Variants in PPP2R2D observed in about 807,000 individuals in gnomAD.
The protein encoded by PPP2R2D is protein phosphatase 2 regulatory subunit Bdelta.
A neutral mutation model predicts 31.1 loss-of-function variants in PPP2R2D; 9 were observed. That is an observed-to-expected ratio of 0.29 (90% CI 0.17 to 0.51). PPP2R2D has a LOEUF of 0.51. Ranked by LOEUF, PPP2R2D falls within the 20% of genes least tolerant of loss-of-function variation. The pLI is 0.98. For missense variants in PPP2R2D, 391 were observed against 465.6 expected, an observed-to-expected ratio of 0.84 and a Z score of 1.48; for synonymous variants, 179 against 172.6, an observed-to-expected ratio of 1.04 and a Z score of -0.29.
At chr10:131,913,184 A>AT (rs36188479) in intron 2 of PPP2R2D, among the ~76,000 whole-genome samples, 22,015 of 134,742 alleles carry the variant, frequency 0.16, 2,076 homozygotes, top group African/African-American at 0.25. Context: ...TGCCCGGCTA[A>AT]TTTTTTTTTT....
At chr10:131,939,959 C>T in intron 3 of PPP2R2D, 72 bp from the exon 4 acceptor site, 2 of 431,200 alleles carry the variant, frequency 4.6e-6, no homozygotes, top group Admixed American at 3.5e-5. Context: ...ATTTGATATT[C>T]AAATTTATAG....
At position 131,945,057 on chromosome 10, in the gene PPP2R2D, G is replaced by T. The variant is rs184380324; in HGVS notation, c.656-238G>T. 5.9e-5 allele frequency among the ~76,000 whole-genome samples: 9 copies of T among 152,112 alleles called. No individual in the cohort carries two copies. Among genetic ancestry groups the T allele is most frequent in the Non-Finnish European group, 5.9e-5 (4 of 68,016 alleles). ...TTAATAATAGCAGCAAGATGAAAGC[G>T]GTGTTCGCTTGTCTGTGTCTCCCCC... On this transcript the variant is annotated intron_variant, in intron 6 of 8. Transcript: ENST00000455566. This position sits in a 1 kb window ranked among gnomAD's most constrained non-coding sequence, Gnocchi z 4.8.
chr10:131,922,712 C>G (rs548370698), intron 2 of PPP2R2D, among the ~76,000 whole-genome samples: 3 of 152,178 alleles, frequency 2.0e-5, no homozygotes, highest in Admixed American at 2.0e-4. Flanking sequence ...TCTCAAAGTG[C>G]TGGGATTACA....
rs2036522016 is a variant in PPP2R2D, at chr10:131,945,568, T to G, written c.820+109T>G. The G allele has an allele frequency of 7.5e-6, 10 of 1,339,078 alleles. No individual in the cohort carries two copies. Among genetic ancestry groups the G allele is most frequent in the Non-Finnish European group, 1.0e-5 (10 of 992,998 alleles). 82.9% of individuals were successfully genotyped at this position (1,339,078 alleles called of 1,614,324 possible). ...TCCGCCTCCCGGGTTCCAGCAAGTCTTCTGCCTCGGCCTCCCGAGTAGCTG... is the reference window on the plus strand; with the variant it reads ...TCCGCCTCCCGGGTTCCAGCAAGTCGTCTGCCTCGGCCTCCCGAGTAGCTG... On this transcript the variant is annotated intron_variant, in intron 7 of 8. Coordinates refer to ENST00000455566, the MANE Select transcript of PPP2R2D (RefSeq NM_018461.5). This position sits in a 1 kb window ranked among gnomAD's most constrained non-coding sequence, Gnocchi z 4.8.
downstream of PPP2R2D, among the ~76,000 whole-genome samples, chr10:131,962,017 C>T (rs1228849139): frequency 2.6e-5 from 4 of 152,196 alleles, no homozygotes; most frequent in Non-Finnish European, 4.4e-5. Context: ...GGCCAGGGGG[C>T]GGCACTGCCC....
In PPP2R2D at chr10:131,959,320, C is replaced by T. The variant is rs2036885098; in HGVS notation, c.*3357C>T. 1 of 150,948 alleles carries T rather than the reference C, an allele frequency of 6.6e-6. No homozygotes were observed. Among genetic ancestry groups the T allele is most frequent in the Admixed American group, 7.5e-5 (1 of 13,412 alleles). The allele number at this position is 150,948 out of a possible 1,614,324, so 9.4% of individuals were successfully genotyped here. On this transcript the variant is annotated 3_prime_UTR_variant, in exon 9 of 9. Coordinates refer to ENST00000455566, the MANE Select transcript of PPP2R2D (RefSeq NM_018461.5). ...GAAGGCGTGTGCTGATCCGCCATCC[C>T]CCTGTGGAGATGAAGGCGTGTGCTC...
At chr10:131,930,047 C>T (rs770830189) in intron 2 of PPP2R2D, among the ~76,000 whole-genome samples, 2 of 151,914 alleles carry the variant, frequency 1.3e-5, no homozygotes, top group Non-Finnish European at 2.9e-5. Flanking sequence ...CCACTCCCCA[C>T]AAAAAAAGAG....
At chr10:131,930,570 G>C (rs1455127717) in intron 2 of PPP2R2D, among the ~76,000 whole-genome samples, 7 of 152,216 alleles carry the variant, frequency 4.6e-5, no homozygotes, top group African/African-American at 1.4e-4. Context: ...GTTGAAAATT[G>C]TTTTCTCCCA....
chr10:131,931,028 G>A lies in PPP2R2D; in HGVS notation c.101-3430G>A, dbSNP rs534356940. ...TCCTCTCCTGGGGGCCCCACTGGGTGTCCTGGCTGAGACCAGCCCAGGTGT... is the reference window on the plus strand; with the variant it reads ...TCCTCTCCTGGGGGCCCCACTGGGTATCCTGGCTGAGACCAGCCCAGGTGT... On this transcript the variant is annotated intron_variant, in intron 2 of 8. Transcript: ENST00000455566. 2.6e-5 allele frequency among the ~76,000 whole-genome samples: 4 copies of A among 152,340 alleles called. No individual in the cohort carries two copies. In the South Asian group the frequency reaches 6.2e-4, roughly 24 times the overall value.
intron 2 of PPP2R2D, among the ~76,000 whole-genome samples, chr10:131,907,090 G>A (rs1463024817): frequency 6.6e-6 from 1 of 151,916 alleles, no homozygotes; most frequent in Admixed American, 6.6e-5. Flanking sequence ...GTGGGGAAAT[G>A]TACTTAGAAT....
chr10:131,947,630 G>A lies in PPP2R2D; in HGVS notation c.921G>A (p.Met307Ile), dbSNP rs1345676107. The A allele has an allele frequency of 1.9e-6, 3 of 1,614,106 alleles. No individual in the cohort carries two copies. The highest frequency in any genetic ancestry group is 2.5e-6 in the Non-Finnish European group (3 of 1,180,042). Residue 307 changes from methionine to isoleucine, a missense_variant, in exon 8 of 9, where the codon ATG becomes ATA. Transcript: ENST00000455566. The surrounding 1 kb of genome is among the most constrained non-coding windows in gnomAD (Gnocchi z 4.3). ...VKFSHSGRYM[M>I]TRDYLSVKVW... ...TCAGTCATAGTGGGCGGTACATGAT[G>A]ACCAGAGACTACCTGTCGGTGAAGG... is the stretch of plus-strand genomic sequence containing the variant.
intron 2 of PPP2R2D, among the ~76,000 whole-genome samples, chr10:131,918,518 C>T (rs576136128): frequency 6.7e-6 from 1 of 148,534 alleles, no homozygotes; most frequent in African/African-American, 2.5e-5. Context: ...TTGTAGGGAC[C>T]TCAGGCCGGT....
chr10:131,953,071 T>A (rs1268321466), intron 8 of PPP2R2D, among the ~76,000 whole-genome samples: 55 of 129,340 alleles, frequency 4.3e-4, no homozygotes, highest in African/African-American at 1.6e-3. Flanking sequence ...GACTTGCGGG[T>A]GTGTGTGGGA....
In PPP2R2D at chr10:131,947,431, C is replaced by T. The variant is rs1420795540; in HGVS notation, c.821-99C>T. 4.6e-6 allele frequency: 6 copies of T among 1,305,328 alleles called. No individual in the cohort carries two copies. Among genetic ancestry groups the T allele is most frequent in the Non-Finnish European group, 5.2e-6 (5 of 957,430 alleles). 80.9% of individuals were successfully genotyped at this position (1,305,328 alleles called of 1,614,324 possible). Reference sequence around the variant, plus strand: ...ACCTAGTGTTGAGGCCAAGCCCTTCCAGAGTCTCTCTGAAGGGGCCACTTC... The same window carrying T: ...ACCTAGTGTTGAGGCCAAGCCCTTCTAGAGTCTCTCTGAAGGGGCCACTTC... On this transcript the variant is annotated intron_variant, in intron 7 of 8. Transcript: ENST00000455566. The surrounding 1 kb of genome is among the most constrained non-coding windows in gnomAD (Gnocchi z 4.3).
At chr10:131,930,000 G>A (rs181335244) in intron 2 of PPP2R2D, among the ~76,000 whole-genome samples, 3 of 152,202 alleles carry the variant, frequency 2.0e-5, no homozygotes, top group East Asian at 1.9e-4. Context: ...CGATGATTCC[G>A]CCTTTTACTG....
intron 2 of PPP2R2D, among the ~76,000 whole-genome samples, chr10:131,918,628 G>T (rs1401691014): frequency 1.0e-4 from 15 of 149,406 alleles, no homozygotes; most frequent in African/African-American, 7.4e-5. Flanking sequence ...ACCTCAGGCA[G>T]GTGGAATGAC....
At chr10:131,934,580 C>A in intron 3 of PPP2R2D, 25 bp downstream of exon 3, 2 of 768,168 alleles carry the variant, frequency 2.6e-6, no homozygotes, top group South Asian at 2.8e-5. Context: ...GTCCACAAAT[C>A]AAATGCAATT....
intron 2 of PPP2R2D, among the ~76,000 whole-genome samples, chr10:131,915,856 TCTC>T (rs1167023793): frequency 1.3e-5 from 2 of 152,124 alleles, no homozygotes; most frequent in Non-Finnish European, 2.9e-5. Flanking sequence ...AAATTATTAA[TCTC>T]CTCTGCCATA....
At chr10:131,939,862 T>G in intron 3 of PPP2R2D, 169 bp from the exon 4 acceptor site, 1 of 397,132 alleles carries the variant, frequency 2.5e-6, no homozygotes. Context: ...GGAAATCAAG[T>G]TCGTTCTTTT....
Sources: allele counts gnomAD v4.1 joint callset (sites outside exome capture counted in the v4.1 genomes callset), GRCh38; gene constraint gnomAD v4.1.1; non-coding constraint Gnocchi (gnomAD v3.1); transcripts MANE v1.5; gene names NCBI Gene and HGNC (gene_info 2026-07-23, HGNC 2026-07-21).